Variants in SLC4A9 observed in about 807,000 individuals in gnomAD.
SLC4A9 encodes solute carrier family 4 member 9, also known as anion exchange protein 4.
In SLC4A9, 102 loss-of-function variants were observed where a neutral mutation model predicts 103.2. That is an observed-to-expected ratio of 0.99 (90% CI 0.84 to 1.17). The LOEUF is 1.17. Ranked by LOEUF, SLC4A9 falls within the 50% of genes most tolerant of loss-of-function variation. SLC4A9 has a pLI of 0.00. For missense variants in SLC4A9, 1,091 were observed against 1,193.7 expected, an observed-to-expected ratio of 0.91 and a Z score of 1.27; for synonymous variants, 453 against 483.6, an observed-to-expected ratio of 0.94 and a Z score of 0.83.
At chr5:140,366,963 A>C (rs1767980972) in intron 14 of SLC4A9, among the ~76,000 whole-genome samples, 1 of 152,194 alleles carries the variant, frequency 6.6e-6, no homozygotes, top group African/African-American at 2.4e-5. Flanking sequence ...GGAGGAATCC[A>C]GCTGGGGCAG....
chr5:140,373,696 T>C (rs1561634902), intron 21 of SLC4A9, among the ~76,000 whole-genome samples: 1 of 152,200 alleles, frequency 6.6e-6, no homozygotes, highest in Non-Finnish European at 1.5e-5. Context: ...AGAGGATTCT[T>C]TGAGCCCAGG....
At chr5:140,368,776 T>C (rs560296591) in intron 17 of SLC4A9, 117 bp downstream of exon 17, 38 of 760,736 alleles carry the variant, frequency 5.0e-5, no homozygotes, top group South Asian at 4.0e-4. Context: ...GTTTTCTCCA[T>C]ACATGGTCTC....
chr5:140,364,710 T>G (rs2126762117), intron 11 of SLC4A9, 85 bp downstream of exon 11: 1 of 1,495,678 alleles, frequency 6.7e-7, no homozygotes, highest in South Asian at 1.3e-5. Flanking sequence ...CCCCCCTGGT[T>G]AAGTTCAGCA....
rs955714642 is a variant in SLC4A9 at position 140,360,476 on chromosome 5, A to G, written c.230+10A>G. The G allele has an allele frequency of 2.6e-6, 4 of 1,561,032 alleles. No individual in the cohort carries two copies. Among genetic ancestry groups the G allele is most frequent in the South Asian group, 1.2e-5 (1 of 84,832 alleles). ...GGAGAGAGACAGGCAGGTAAGTTGG[A>G]TGCAGGCCAGTTCTGTGGGATCCTT... On this transcript the variant is annotated intron_variant, in intron 1 of 21. Coordinates refer to ENST00000506757, the MANE Select transcript of SLC4A9 (RefSeq NM_031467.3).
Position 140,362,919 on chromosome 5 carries a change from A to C in SLC4A9, c.815A>C (p.Gln272Pro), listed in dbSNP as rs1269993797. The C allele has an allele frequency of 4.3e-6, 7 of 1,613,850 alleles. No individual in the cohort carries two copies. The highest frequency in any genetic ancestry group is 1.3e-5 in the African/African-American group (1 of 74,922). ...AAVLLSDPQFQWSVRRASNLH... is the reference protein window; with the variant it reads ...AAVLLSDPQFPWSVRRASNLH... ...CTGTGCCCCCATTCCCAGCAATTCC[A>C]GTGGTCAGTTCGTCGGGCCAGCAAC... is the stretch of plus-strand genomic sequence containing the variant. Residue 272 changes from glutamine to proline, a missense_variant, in exon 7 of 22, where the codon CAG becomes CCG. By Grantham distance (76) the Gln-to-Pro change is moderately conservative. Coordinates refer to ENST00000506757, the MANE Select transcript of SLC4A9 (RefSeq NM_031467.3).
In SLC4A9 at chr5:140,367,429, C is replaced by T. The variant is rs1432788682; in HGVS notation, c.2023C>T (p.Pro675Ser). Reference sequence around the variant, plus strand: ...AAATGCCCTCCTCCAGCCCACACTCCCTGGGCGTGGCTGGCTGGTGTCACC... The same window carrying T: ...AAATGCCCTCCTCCAGCCCACACTCTCTGGGCGTGGCTGGCTGGTGTCACC... Reference protein sequence around the residue: ...MVPREFKPTLPGRGWLVSPFG... With the variant: ...MVPREFKPTLSGRGWLVSPFG... Residue 675 changes from proline (P) to serine (S), a missense_variant, in exon 15 of 22, where the codon CCT (proline) becomes TCT (serine). Pro to Ser is a moderately conservative substitution (Grantham distance 74). Transcript: ENST00000506757. 1 of 1,612,012 alleles carries T rather than the reference C, an allele frequency of 6.2e-7. No homozygotes were observed.
Position 140,362,926 on chromosome 5 carries a change from A to T in SLC4A9, c.822A>T (p.Ser274=). The change falls in exon 7 of 22, where the codon TCA becomes TCT. Residue 274 remains serine, a synonymous_variant. Transcript: ENST00000506757. ...VLLSDPQFQW[S]VRRASNLHDL... Reference sequence around the variant, plus strand: ...CCCATTCCCAGCAATTCCAGTGGTCAGTTCGTCGGGCCAGCAACCTTCATG... The same window carrying T: ...CCCATTCCCAGCAATTCCAGTGGTCTGTTCGTCGGGCCAGCAACCTTCATG... The T allele has an allele frequency of 6.2e-7, 1 of 1,613,944 alleles. No individual in the cohort carries two copies. The highest frequency in any genetic ancestry group is 8.5e-7 in the Non-Finnish European group (1 of 1,179,866).
chr5:140,367,627 AG>A, intron 15 of SLC4A9, 46 bp downstream of exon 15: 1 of 1,600,050 alleles, frequency 6.2e-7, no homozygotes, highest in Non-Finnish European at 8.5e-7. Context: ...CAGAAGCTCC[AG>A]GGGAGTCTAC....
In SLC4A9 at chr5:140,371,372, G is replaced by A. The variant is rs565986813; in HGVS notation, c.2497-79G>A. 3.8e-5 allele frequency: 59 copies of A among 1,558,620 alleles called. No individual in the cohort carries two copies. In the African/African-American group the frequency reaches 7.4e-4, roughly 20 times the overall value. ...ATGCTCTCTGCCTGCTCCCAGTGCT[G>A]GGCTATGATAGCTATCAGTGACACC... On this transcript the variant is annotated intron_variant, in intron 18 of 21. Transcript: ENST00000506757.
chr5:140,365,534 T>C lies in SLC4A9; in HGVS notation c.1666T>C (p.Trp556Arg). Residue 556 changes from tryptophan to arginine, a missense_variant, in exon 12 of 22, where the codon TGG (tryptophan) becomes CGG (arginine). Physicochemically the swap from Trp to Arg is moderately radical, Grantham distance 101. Coordinates refer to ENST00000506757, the MANE Select transcript of SLC4A9 (RefSeq NM_031467.3). Reference sequence around the variant, plus strand: ...CTGCTTCCCAGGAAATGAGTCTCAATGGATAAGGACAAGGCCAAAAGACAG... The same window carrying C: ...CTGCTTCCCAGGAAATGAGTCTCAACGGATAAGGACAAGGCCAAAAGACAG... ...YPGPGGNESQ[W>R]IRTRPKDRDD... 1 of 1,611,234 alleles carries C rather than the reference T, an allele frequency of 6.2e-7. No individual in the cohort carries two copies. Among genetic ancestry groups the C allele is most frequent in the Middle Eastern group, 1.7e-4 (1 of 6,056 alleles).
chr5:140,361,832 C>T lies in SLC4A9; in HGVS notation c.530C>T (p.Ser177Phe). ...GGCTCTACTCATCCAAGAAAGGCTT[C>T]TGACAATGAGGAAGCCCCCCTGAGG... ...CWGSTHPRKA[S>F]DNEEAPLREQ... Residue 177 changes from serine to phenylalanine, a missense_variant, in exon 4 of 22, where the codon TCT becomes TTT. Transcript: ENST00000506757. 6.2e-7 allele frequency: 1 copy of T among 1,614,010 alleles called. No individual in the cohort carries two copies. The highest frequency in any genetic ancestry group is 8.5e-7 in the Non-Finnish European group (1 of 1,179,896).
intron 11 of SLC4A9, among the ~76,000 whole-genome samples, chr5:140,365,012 G>A (rs1425849421): frequency 6.6e-6 from 1 of 152,300 alleles, no homozygotes; most frequent in South Asian, 2.1e-4. Context: ...GAGAGAAAGG[G>A]GCAGGGCCAG....
intron 16 of SLC4A9, 141 bp downstream of exon 16, chr5:140,368,039 GCT>G: frequency 2.4e-6 from 2 of 844,740 alleles, no homozygotes; most frequent in Non-Finnish European, 3.7e-6. Flanking sequence ...TGAGTTCTGG[GCT>G]CTGAGATGGG....
At chr5:140,364,703 C>A in intron 11 of SLC4A9, 78 bp downstream of exon 11, 1 of 1,517,392 alleles carries the variant, frequency 6.6e-7, no homozygotes. Context: ...TTACTATCCC[C>A]CCTGGTTAAG....
At position 140,366,198 on chromosome 5, in the gene SLC4A9, C is replaced by G. The variant is rs376677518; in HGVS notation, c.1947C>G (p.Leu649=). 2 of 1,611,192 alleles carry G rather than the reference C, an allele frequency of 1.2e-6. No individual in the cohort carries two copies. The highest frequency in any genetic ancestry group is 2.2e-5 in the South Asian group (2 of 90,768). ...SDFSSVLAIL[L]GCGLDAFLGL... ...TCTCCTCAGTCCTGGCCATCCTGCTCGGCTGTGGCCTTGATGCTTTCCTGG... is the reference window on the plus strand; with the variant it reads ...TCTCCTCAGTCCTGGCCATCCTGCTGGGCTGTGGCCTTGATGCTTTCCTGG... Residue 649 remains leucine (L), a synonymous_variant, in exon 14 of 22, where the codon CTC becomes CTG. Transcript: ENST00000506757.
intron 20 of SLC4A9, 124 bp from the exon 21 acceptor site, chr5:140,372,621 C>T: frequency 6.9e-7 from 1 of 1,442,944 alleles, no homozygotes; most frequent in Non-Finnish European, 9.1e-7. Flanking sequence ...GGCTTCAGCT[C>T]AAGTGGGCTG....
chr5:140,367,364 G>A (rs1768028670), intron 14 of SLC4A9, 56 bp from the exon 15 acceptor site: 2 of 1,571,100 alleles, frequency 1.3e-6, no homozygotes, highest in South Asian at 1.2e-5. Context: ...GAGATGTGCA[G>A]GTGAGATGCT....
chr5:140,368,688 G>T, intron 17 of SLC4A9, 29 bp downstream of exon 17: 2 of 1,592,426 alleles, frequency 1.3e-6, no homozygotes, highest in Non-Finnish European at 1.7e-6. Flanking sequence ...CCAGGATCAG[G>T]GTCAGTGTAG....
At chr5:140,360,496 A>T (rs775297470) in intron 1 of SLC4A9, 30 bp downstream of exon 1, 12 of 1,537,478 alleles carry the variant, frequency 7.8e-6, no homozygotes, top group African/African-American at 1.4e-5. Flanking sequence ...GTTCTGTGGG[A>T]TCCTTCCCCT....
Sources: gnomAD v4.1 joint callset for allele counts (sites outside exome capture counted in the v4.1 genomes callset) on GRCh38, gnomAD v4.1.1 for gene constraint, MANE v1.5 for transcripts, NCBI Gene and HGNC (gene_info 2026-07-23, HGNC 2026-07-21) for gene names.